Variants in OXA1L observed in about 807,000 individuals in gnomAD.
The protein encoded by OXA1L is mitochondrial inner membrane protein OXA1L.
In OXA1L, 42 loss-of-function variants were observed where a neutral mutation model predicts 52.2. The ratio of observed to expected loss-of-function variants is 0.80; its 90% CI spans 0.63 to 1.04. The LOEUF (loss-of-function observed/expected upper bound fraction) is 1.04. Among genes scored for constraint, OXA1L ranks in the 50% least tolerant of loss-of-function variants. The pLI is 0.00. For synonymous variants in OXA1L, 239 were observed against 201.9 expected (o/e 1.18, Z -1.56); for missense variants, 572 against 555.0 (o/e 1.03, Z -0.31).
chr14:22,767,793 T>G (rs1459417701), intron 2 of OXA1L, 165 bp from the exon 3 acceptor site: 2 of 563,946 alleles, frequency 3.5e-6, no homozygotes, highest in Admixed American at 6.6e-5. Context: ...TAACTATTGA[T>G]AAAAATGAGA....
rs376869377 is a variant in OXA1L at position 22,770,247 on chromosome 14, T to A, written c.638T>A (p.Leu213His). The A allele has an allele frequency of 9.9e-6, 16 of 1,611,158 alleles. No individual in the cohort carries two copies. The highest frequency in any genetic ancestry group is 1.3e-5 in the Non-Finnish European group (15 of 1,177,436). ...TACCAGAAAAAACATGGTATTAAAC[T>A]CTATAAACCTCTCATTCTCCCTGTG... ...ALYQKKHGIK[L>H]YKPLILPVTQ... is the part of the protein sequence containing the mutation. Residue 213 changes from leucine to histidine, a missense_variant, in exon 5 of 10, where the codon CTC becomes CAC. Leu to His is a moderately conservative substitution (Grantham distance 99). Around this residue, in one of 5 missense-constraint regions of OXA1L, gnomAD observed 132 missense variants for 124.0 expected, o/e 1.06. Coordinates refer to ENST00000612549, the MANE Select transcript of OXA1L (RefSeq NM_005015.5).
rs9323208 is a variant in OXA1L, at chr14:22,771,818, C to G, written c.*260C>G. On this transcript the variant is annotated 3_prime_UTR_variant, in exon 10 of 10. Coordinates refer to ENST00000612549, the MANE Select transcript of OXA1L (RefSeq NM_005015.5). ...CCTGATACTTATTGAACAGGGAAATCAGTGTGCACTTCAGAAAACTGAAGA... is the reference window on the plus strand; with the variant it reads ...CCTGATACTTATTGAACAGGGAAATGAGTGTGCACTTCAGAAAACTGAAGA... 0.86 allele frequency: 364,856 copies of G among 424,046 alleles called. 157,391 individuals are homozygous for G. The highest frequency in any genetic ancestry group is 0.94 in the East Asian group (22,941 of 24,388). The allele number at this position is 424,046 out of a possible 1,614,324, so 26.3% of individuals were successfully genotyped here. A position where few individuals can be genotyped will look rare whatever the true frequency, so the allele number is the denominator to read the frequency against.
At chr14:22,769,996 C>A in intron 4 of OXA1L, 62 bp downstream of exon 4, 2 of 1,585,314 alleles carry the variant, frequency 1.3e-6, no homozygotes, top group Non-Finnish European at 1.7e-6. Context: ...TTACATTCTG[C>A]TGGGGGAAAG....
chr14:22,770,162 C>A (rs775736388), intron 4 of OXA1L, 31 bp from the exon 5 acceptor site: 3 of 1,513,216 alleles, frequency 2.0e-6, no homozygotes, highest in South Asian at 1.1e-5. Flanking sequence ...GTAACTGTTA[C>A]CCCAACCATT....
chr14:22,769,893 G>A lies in OXA1L; in HGVS notation c.542G>A (p.Ser181Asn). The change falls in exon 4 of 10, where the codon AGT becomes AAT. Residue 181 changes from serine (S) to asparagine (N), a missense_variant. Ser to Asn is a conservative substitution (Grantham distance 46, BLOSUM62 1). Transcript: ENST00000612549. ...TTGCCAGAGATCCAGAAGTTTTCCAGTCGAATCAGAGAGGCCAAGTTAGCA... is the reference window on the plus strand; with the variant it reads ...TTGCCAGAGATCCAGAAGTTTTCCAATCGAATCAGAGAGGCCAAGTTAGCA... ...NHLPEIQKFS[S>N]RIREAKLAGD... The A allele has an allele frequency of 1.2e-6, 2 of 1,614,174 alleles. No individual in the cohort carries two copies. The highest frequency in any genetic ancestry group is 1.7e-6 in the Non-Finnish European group (2 of 1,180,040).
intron 1 of OXA1L, 164 bp from the exon 2 acceptor site, chr14:22,767,084 G>A: frequency 6.5e-7 from 1 of 1,536,600 alleles, no homozygotes; most frequent in Non-Finnish European, 8.7e-7. Context: ...ACCACCCGCT[G>A]CATGCCTTCG....
intron 1 of OXA1L, 167 bp from the exon 2 acceptor site, chr14:22,767,081 G>C: frequency 6.5e-7 from 1 of 1,536,548 alleles, no homozygotes; most frequent in Non-Finnish European, 8.7e-7. Context: ...GGCACCACCC[G>C]CTGCATGCCT....
At position 22,767,395 on chromosome 14, in the gene OXA1L, T is replaced by C. The variant is rs747883503; in HGVS notation, c.211T>C (p.Phe71Leu). 9 of 1,606,636 alleles carry C rather than the reference T, an allele frequency of 5.6e-6. No individual in the cohort carries two copies. The African/African-American group carries it at 1.2e-4, about 22-fold the overall frequency. Residue 71 changes from phenylalanine (F) to leucine (L), a missense_variant, in exon 2 of 10, where the codon TTT becomes CTT. By Grantham distance (22) the Phe-to-Leu change is conservative. Coordinates refer to ENST00000612549, the MANE Select transcript of OXA1L (RefSeq NM_005015.5). ...PRSLSTSAIS[F>L]AEVQVQAPPV... is the part of the protein sequence containing the mutation. ...CAGCCTCAGTACCTCTGCTATCTCTTTTGCAGAAGTCCAGGTAAGAGGCCT... is the reference window on the plus strand; with the variant it reads ...CAGCCTCAGTACCTCTGCTATCTCTCTTGCAGAAGTCCAGGTAAGAGGCCT...
intron 1 of OXA1L, 123 bp from the exon 2 acceptor site, chr14:22,767,125 G>A: frequency 1.3e-6 from 2 of 1,535,072 alleles, no homozygotes; most frequent in Non-Finnish European, 1.7e-6. Flanking sequence ...TGATAGCAAT[G>A]TCCTCCCCTG....
At chr14:22,769,995 G>C in intron 4 of OXA1L, 61 bp downstream of exon 4, 1 of 1,587,610 alleles carries the variant, frequency 6.3e-7, no homozygotes, top group South Asian at 1.1e-5. Flanking sequence ...CTTACATTCT[G>C]CTGGGGGAAA....
chr14:22,771,132 C>T lies in OXA1L; in HGVS notation c.1054C>T (p.Leu352=), dbSNP rs778852380. 6.2e-7 allele frequency: 1 copy of T among 1,614,126 alleles called. No individual in the cohort carries two copies. The highest frequency in any genetic ancestry group is 1.1e-5 in the South Asian group (1 of 91,084). Residue 352 remains leucine, a synonymous_variant, in exon 8 of 10, where the codon CTG becomes TTG. Coordinates refer to ENST00000612549, the MANE Select transcript of OXA1L (RefSeq NM_005015.5). ...LKIPQRVVHD[L]DKLPPREGFL... Reference sequence around the variant, plus strand: ...AATCCCCCAGCGTGTTGTACATGACCTGGACAAATTACCTCCACGGGAAGG... The same window carrying T: ...AATCCCCCAGCGTGTTGTACATGACTTGGACAAATTACCTCCACGGGAAGG...
intron 5 of OXA1L, 24 bp from the exon 6 acceptor site, chr14:22,770,437 G>A: frequency 1.2e-6 from 2 of 1,608,354 alleles, no homozygotes; most frequent in African/African-American, 2.7e-5. Context: ...AAAGCATGCT[G>A]ACACTGTTTA....
At chr14:22,770,424 G>A (rs370630015) in intron 5 of OXA1L, 37 bp from the exon 6 acceptor site, 1 of 1,604,292 alleles carries the variant, frequency 6.2e-7, no homozygotes, top group South Asian at 1.1e-5. Flanking sequence ...TGTTCTCTCT[G>A]GTAAAGCATG....
intron 1 of OXA1L, 194 bp downstream of exon 1, chr14:22,766,958 C>T (rs1200731333): frequency 9.9e-6 from 15 of 1,519,544 alleles, no homozygotes; most frequent in South Asian, 9.7e-5. Flanking sequence ...GTGTCAGCTT[C>T]TGGAATTGGC....
chr14:22,771,559 C>G lies in OXA1L; in HGVS notation c.*1C>G. The G allele has an allele frequency of 6.2e-7, 1 of 1,614,200 alleles. No individual in the cohort carries two copies. Among genetic ancestry groups the G allele is most frequent in the Non-Finnish European group, 8.5e-7 (1 of 1,180,004 alleles). ...TCCCTGGCACGACACACTTGGCTGA[C>G]TTATGTTCTGTGCGCATTCTGGCAG... On this transcript the variant is annotated 3_prime_UTR_variant, in exon 10 of 10. Transcript: ENST00000612549.
chr14:22,766,906 C>A, intron 1 of OXA1L, 142 bp downstream of exon 1: 1 of 1,518,944 alleles, frequency 6.6e-7, no homozygotes, highest in South Asian at 1.2e-5. Flanking sequence ...CATGTGAGGA[C>A]GCGCTAGGGT....
chr14:22,767,637 A>G (rs759417858), intron 2 of OXA1L: 14 of 523,870 alleles, frequency 2.7e-5, no homozygotes, highest in Non-Finnish European at 4.7e-5. Context: ...GCTGTTTTAA[A>G]GAAAAGCAAT....
At position 22,767,001 on chromosome 14, in the gene OXA1L, C is replaced by T. The variant is rs34237480; in HGVS notation, c.63+237C>T. The T allele has an allele frequency of 3.3e-6, 5 of 1,534,588 alleles. No homozygotes were observed. The African/African-American group carries it at 6.8e-5, about 21-fold the overall frequency. Reference sequence around the variant, plus strand: ...CTGGCGAGAGCACCTCGGCCTCGTTCTCAGGGCCCTCCGATGTGGGTCTGC... The same window carrying T: ...CTGGCGAGAGCACCTCGGCCTCGTTTTCAGGGCCCTCCGATGTGGGTCTGC... On this transcript the variant is annotated intron_variant, in intron 1 of 9. Coordinates refer to ENST00000612549, the MANE Select transcript of OXA1L (RefSeq NM_005015.5).
intron 6 of OXA1L, 76 bp downstream of exon 6, chr14:22,770,701 T>C: frequency 1.3e-6 from 2 of 1,556,500 alleles, no homozygotes; most frequent in Non-Finnish European, 1.8e-6. Flanking sequence ...TACAGAATGG[T>C]CATCCTTCAC....
Sources: allele counts gnomAD v4.1 joint callset, GRCh38; gene constraint gnomAD v4.1.1; regional missense constraint gnomAD v4.1.1; transcripts MANE v1.5; gene names NCBI Gene and HGNC (gene_info 2026-07-23, HGNC 2026-07-21).